The following AUTS2 variants were observed in gnomAD, a reference collection of about 807,000 sequenced individuals.
AUTS2 encodes the protein autism susceptibility gene 2 protein.
Under a neutral mutation model 112.4 loss-of-function variants are expected in AUTS2, and 17 were observed. That is an observed-to-expected ratio of 0.15 (90% CI 0.10 to 0.23). AUTS2 has a LOEUF of 0.23. Among genes scored for constraint, AUTS2 ranks in the 10% least tolerant of loss-of-function variants. The pLI is 1.00. For synonymous variants in AUTS2, 751 were observed against 702.7 expected (o/e 1.07, Z -1.09); for missense variants, 1,510 against 1,701.6 (o/e 0.89, Z 1.98).
At chr7:70,309,972 C>T (rs574576115) in intron 4 of AUTS2, among the ~76,000 whole-genome samples, 20 of 152,190 alleles carry the variant, frequency 1.3e-4, no homozygotes, top group Non-Finnish European at 2.2e-4. Context: ...TCTAGGAACT[C>T]GAAGACTGAA....
chr7:70,697,022 T>G (rs1298249026), intron 5 of AUTS2, among the ~76,000 whole-genome samples: 1 of 152,238 alleles, frequency 6.6e-6, no homozygotes, highest in Non-Finnish European at 1.5e-5. Context: ...GCTGGGAAAC[T>G]CACAGTCCTA....
intron 2 of AUTS2, among the ~76,000 whole-genome samples, chr7:69,973,995 G>T (rs1797959408): frequency 6.6e-6 from 1 of 151,878 alleles, no homozygotes; most frequent in Non-Finnish European, 1.5e-5. Context: ...ATGTATAATT[G>T]GTTTTCATTC....
intron 2 of AUTS2, among the ~76,000 whole-genome samples, chr7:69,966,755 T>C (rs1472773926): frequency 6.6e-6 from 1 of 152,164 alleles, no homozygotes; most frequent in Non-Finnish European, 1.5e-5. Flanking sequence ...TTTCACCCCT[T>C]TCTCTCTGTT....
intron 1 of AUTS2, among the ~76,000 whole-genome samples, chr7:69,708,927 C>T (rs1798183280): frequency 6.6e-6 from 1 of 152,118 alleles, no homozygotes; most frequent in African/African-American, 2.4e-5. Flanking sequence ...TTTATTGAAG[C>T]TGAGAGAGGG....
chr7:70,579,288 A>C (rs766954599), intron 5 of AUTS2, among the ~76,000 whole-genome samples: 2 of 146,054 alleles, frequency 1.4e-5, no homozygotes, highest in Non-Finnish European at 3.0e-5. Context: ...ATTTTAGAAA[A>C]ATCAAGTTAG....
intron 5 of AUTS2, among the ~76,000 whole-genome samples, chr7:70,697,953 T>C (rs529654618): frequency 1.7e-3 from 262 of 152,290 alleles, no homozygotes; most frequent in African/African-American, 5.9e-3. Flanking sequence ...ACATGTTCTC[T>C]AGAAAATGGA....
chr7:70,004,415 A>AATAATAT (rs1799442928), intron 2 of AUTS2, among the ~76,000 whole-genome samples: 1 of 45,522 alleles, frequency 2.2e-5, no homozygotes, highest in South Asian at 1.6e-3. Context: ...GTGAATATAT[A>AATAATAT]ATATATTATA....
chr7:70,475,120 T>C (rs1439465340), intron 5 of AUTS2, among the ~76,000 whole-genome samples: 4 of 152,210 alleles, frequency 2.6e-5, no homozygotes, highest in Admixed American at 2.6e-4. Flanking sequence ...TTCTGATGTG[T>C]GGAGGGCCTC....
At chr7:70,136,780 C>T (rs1184357449) in intron 4 of AUTS2, among the ~76,000 whole-genome samples, 1 of 152,186 alleles carries the variant, frequency 6.6e-6, no homozygotes, top group South Asian at 2.1e-4. Flanking sequence ...AACATGAATT[C>T]TGGTGTAAGA....
intron 6 of AUTS2, among the ~76,000 whole-genome samples, chr7:70,731,078 G>A (rs751217135): frequency 6.6e-6 from 1 of 152,144 alleles, no homozygotes; most frequent in Non-Finnish European, 1.5e-5. Context: ...TTTGCCCACT[G>A]TTAAGTGGGC....
chr7:70,551,142 T>A (rs923945717), intron 5 of AUTS2, among the ~76,000 whole-genome samples: 1 of 151,950 alleles, frequency 6.6e-6, no homozygotes, highest in African/African-American at 2.4e-5. Context: ...AAAATAAATA[T>A]CCATGACTCC....
Position 70,291,017 on chromosome 7 carries a change from T to C in AUTS2, c.661-144735T>C, listed in dbSNP as rs531301766. 5 of 152,448 alleles carry C rather than the reference T, an allele frequency of 3.3e-5. No homozygotes were observed. The East Asian group carries it at 7.7e-4, about 23-fold the overall frequency. 9.4% of individuals were successfully genotyped at this position (152,448 alleles called of 1,614,324 possible). On this transcript the variant is annotated intron_variant, in intron 4 of 18. Transcript: ENST00000342771. ...TCTGTAAAACCACATATGTATCTTATAGTCTGCAGCTGATGTATTTATCTG... is the reference window on the plus strand; with the variant it reads ...TCTGTAAAACCACATATGTATCTTACAGTCTGCAGCTGATGTATTTATCTG...
chr7:70,185,674 A>G (rs554855460), intron 4 of AUTS2, among the ~76,000 whole-genome samples: 1 of 152,324 alleles, frequency 6.6e-6, no homozygotes, highest in Admixed American at 6.5e-5. Flanking sequence ...AGATCATATT[A>G]TGATAAGCTT....
chr7:70,231,929 A>G (rs940766193), intron 4 of AUTS2, among the ~76,000 whole-genome samples: 4 of 151,192 alleles, frequency 2.6e-5, no homozygotes, highest in Non-Finnish European at 5.9e-5. Context: ...ATGTGCCACC[A>G]TGCCTGGCTA....
At chr7:70,251,315 C>T (rs775496107) in intron 4 of AUTS2, among the ~76,000 whole-genome samples, 8 of 152,082 alleles carry the variant, frequency 5.3e-5, no homozygotes, top group South Asian at 4.1e-4. Context: ...TTGCCCACTT[C>T]GGCCTCCAAA....
chr7:70,609,641 A>T (rs1399433687), intron 5 of AUTS2, among the ~76,000 whole-genome samples: 1 of 149,830 alleles, frequency 6.7e-6, no homozygotes, highest in Non-Finnish European at 1.5e-5. Flanking sequence ...GTTAGCCAGG[A>T]TGGTCTCCAT....
chr7:69,959,257 A>G (rs2129546796), intron 2 of AUTS2, among the ~76,000 whole-genome samples: 1 of 152,278 alleles, frequency 6.6e-6, no homozygotes, highest in East Asian at 1.9e-4. Context: ...TGGTTACAAT[A>G]AAGTGCTAAT....
At position 70,694,056 on chromosome 7, in the gene AUTS2, T is replaced by G. The variant is rs1315656896; in HGVS notation, c.691-4513T>G. 6.6e-6 allele frequency: 1 copy of G among 151,400 alleles called. No homozygotes were observed. The highest frequency in any genetic ancestry group is 1.5e-5 in the Non-Finnish European group (1 of 67,782). 9.4% of individuals were successfully genotyped at this position (151,400 alleles called of 1,614,324 possible). ...GCCGAGGAAGTCCCGCTCCGAGAGC[T>G]GCGAGCGTCTGGAGGAGGCGCGCTC... On this transcript the variant is annotated intron_variant, in intron 5 of 18. Transcript: ENST00000342771. This position sits in a 1 kb window ranked among gnomAD's most constrained non-coding sequence, Gnocchi z 4.1.
At chr7:70,448,877 A>G (rs1296669219) in intron 5 of AUTS2, among the ~76,000 whole-genome samples, 1 of 152,194 alleles carries the variant, frequency 6.6e-6, no homozygotes, top group Non-Finnish European at 1.5e-5. Context: ...GTAGCTGGAC[A>G]AAATAATGGA....
Sources: gnomAD v4.1 joint callset for allele counts (sites outside exome capture counted in the v4.1 genomes callset) on GRCh38, gnomAD v4.1.1 for gene constraint, Gnocchi (gnomAD v3.1) non-coding constraint, MANE v1.5 for transcripts, NCBI Gene and HGNC (gene_info 2026-07-23, HGNC 2026-07-21) for gene names.